Variants in RAE1 observed in about 807,000 individuals in gnomAD.
RAE1 encodes mRNA export factor RAE1.
In RAE1, 13 loss-of-function variants were observed where a neutral mutation model predicts 52.7. The observed-to-expected ratio is 0.25, with a 90% confidence interval of 0.16 to 0.39. RAE1 has a LOEUF of 0.39. RAE1 is among the 10% of genes least tolerant of loss of function. The pLI is 1.00. For synonymous variants in RAE1, 164 were observed against 153.1 expected, an observed-to-expected ratio of 1.07 and a Z score of -0.52; for missense variants, 262 against 459.8, an observed-to-expected ratio of 0.57 and a Z score of 3.93.
At chr20:57,368,560 A>G (rs2066990239) in intron 7 of RAE1, 145 bp from the exon 8 acceptor site, 1 of 553,914 alleles carries the variant, frequency 1.8e-6, no homozygotes. Context: ...TTCAAATACT[A>G]TTTCTCTAGG....
intron 1 of RAE1, among the ~76,000 whole-genome samples, chr20:57,353,731 C>T (rs916935632): frequency 1.3e-5 from 2 of 152,168 alleles, no homozygotes; most frequent in African/African-American, 2.4e-5. Context: ...AAATAATCTG[C>T]AATGTATCCA....
chr20:57,377,953 C>T, intron 11 of RAE1, 60 bp from the exon 12 acceptor site: 4 of 1,318,244 alleles, frequency 3.0e-6, no homozygotes, highest in African/African-American at 2.9e-5. Flanking sequence ...AGAAAAAGCA[C>T]CTACAAATGC....
At chr20:57,373,801 G>A in intron 10 of RAE1, 63 bp downstream of exon 10, 1 of 1,506,656 alleles carries the variant, frequency 6.6e-7, no homozygotes, top group South Asian at 1.1e-5. Context: ...AGGTGGCTGA[G>A]GAATTGTGGG....
intron 4 of RAE1, among the ~76,000 whole-genome samples, chr20:57,364,958 T>C (rs1268856813): frequency 6.6e-6 from 1 of 152,214 alleles, no homozygotes; most frequent in Non-Finnish European, 1.5e-5. Context: ...GATGAATCTA[T>C]GTGAAGTGCT....
chr20:57,366,837 A>G lies in RAE1; in HGVS notation c.406A>G (p.Ile136Val). The G allele has an allele frequency of 1.2e-6, 2 of 1,613,806 alleles. No homozygotes were observed. The highest frequency in any genetic ancestry group is 1.7e-6 in the Non-Finnish European group (2 of 1,179,684). ...HDAPVKTIHW[I>V]KAPNYSCVMT... ...TGCTCCTGTTAAAACCATCCATTGG[A>G]TCAAAGCTCCAAACTACAGCTGTGT... Residue 136 changes from isoleucine (I) to valine (V), a missense_variant, in exon 6 of 12, where the codon ATC becomes GTC. Physicochemically the swap from Ile to Val is conservative, Grantham distance 29. Coordinates refer to ENST00000395841, the MANE Select transcript of RAE1 (RefSeq NM_003610.4).
At chr20:57,371,365 T>C (rs2067033176) in intron 8 of RAE1, 1 of 152,128 alleles carries the variant, frequency 6.6e-6, no homozygotes, top group East Asian at 1.9e-4. Flanking sequence ...TGCAACTCAA[T>C]AGTGAGAAAA....
chr20:57,358,635 G>T, intron 4 of RAE1: 1 of 184,764 alleles, frequency 5.4e-6, no homozygotes, highest in South Asian at 1.9e-4. Flanking sequence ...TTTAATCATT[G>T]AACAAACAAA....
chr20:57,354,961 C>T (rs1295996352), intron 3 of RAE1, 145 bp downstream of exon 3: 3 of 542,588 alleles, frequency 5.5e-6, no homozygotes, highest in African/African-American at 4.0e-5. Flanking sequence ...GGGTGTGAAC[C>T]CTTCTGAATG....
intron 4 of RAE1, chr20:57,357,424 TC>T (rs755432164): frequency 2.6e-5 from 4 of 152,230 alleles, no homozygotes; most frequent in African/African-American, 9.6e-5. Flanking sequence ...CAGATATATT[TC>T]CTATGTTTGG....
At chr20:57,359,208 T>C (rs79726958) in intron 4 of RAE1, 35 of 412,846 alleles carry the variant, frequency 8.5e-5, no homozygotes, top group Non-Finnish European at 1.4e-4. Context: ...GTTCCTTTTA[T>C]TTTTTTGTAA....
At chr20:57,364,794 G>A (rs1239904782) in intron 4 of RAE1, among the ~76,000 whole-genome samples, 1 of 152,196 alleles carries the variant, frequency 6.6e-6, no homozygotes, top group African/African-American at 2.4e-5. Flanking sequence ...TATTTGACAA[G>A]TTAGATAGGA....
intron 4 of RAE1, among the ~76,000 whole-genome samples, chr20:57,364,316 C>T (rs1203032496): frequency 6.6e-6 from 1 of 152,164 alleles, no homozygotes; most frequent in Non-Finnish European, 1.5e-5. Flanking sequence ...ATGCTCTGCT[C>T]CACAATGCTG....
intron 4 of RAE1, chr20:57,358,190 G>C (rs763115530): frequency 6.6e-6 from 1 of 152,162 alleles, no homozygotes. Flanking sequence ...AGGGCCGCGA[G>C]GGTTCTTTGG....
At chr20:57,359,077 T>C in intron 4 of RAE1, 1 of 1,432,510 alleles carries the variant, frequency 7.0e-7, no homozygotes, top group South Asian at 1.4e-5. Context: ...GTGATTATGC[T>C]ACCTTCGCAC....
At chr20:57,375,989 G>A (rs1286975376) in intron 11 of RAE1, among the ~76,000 whole-genome samples, 4 of 152,228 alleles carry the variant, frequency 2.6e-5, no homozygotes, top group Admixed American at 6.5e-5. Context: ...TCTAAACAGC[G>A]CTTTGCATTC....
At position 57,378,121 on chromosome 20, in the gene RAE1, C is replaced by A; in HGVS notation, c.*22C>A. On this transcript the variant is annotated 3_prime_UTR_variant, in exon 12 of 12. Coordinates refer to ENST00000395841, the MANE Select transcript of RAE1 (RefSeq NM_003610.4). ...GTAGTGGCTGGAGACTCTGGCTCAG[C>A]CAGAGTTGTTTCTCTCCACTCTGCC... 2 of 1,573,278 alleles carry A rather than the reference C, an allele frequency of 1.3e-6. No individual in the cohort carries two copies. The highest frequency in any genetic ancestry group is 1.7e-6 in the Non-Finnish European group (2 of 1,149,684).
Position 57,378,048 on chromosome 20 carries a change from C to T in RAE1, c.1056C>T (p.Tyr352=). 4 of 1,612,846 alleles carry T rather than the reference C, an allele frequency of 2.5e-6. No individual in the cohort carries two copies. The highest frequency in any genetic ancestry group is 1.1e-5 in the South Asian group (1 of 91,010). ...TTTATAATCCCCAGAAAAAAAATTACATTTTCCTGCGTAATGCAGCCGAAG... is the reference window on the plus strand; with the variant it reads ...TTTATAATCCCCAGAAAAAAAATTATATTTTCCTGCGTAATGCAGCCGAAG... ...HEFYNPQKKN[Y]IFLRNAAEEL... is the part of the protein sequence containing the mutation. The change falls in exon 12 of 12, where the codon TAC becomes TAT. Residue 352 remains tyrosine, a synonymous_variant. Transcript: ENST00000395841.
At chr20:57,375,014 G>A (rs1366307873) in intron 11 of RAE1, 1 of 715,546 alleles carries the variant, frequency 1.4e-6, no homozygotes, top group South Asian at 1.5e-5. Flanking sequence ...CACACAGGAA[G>A]TGCTCGGCCA....
At chr20:57,374,974 G>A (rs1252116981) in intron 11 of RAE1, 173 bp downstream of exon 11, 3 of 769,308 alleles carry the variant, frequency 3.9e-6, no homozygotes, top group Middle Eastern at 2.2e-4. Flanking sequence ...TGGTTGTGGG[G>A]ATTCAGTACA....
Sources: gnomAD v4.1 joint callset for allele counts (sites outside exome capture counted in the v4.1 genomes callset) on GRCh38, gnomAD v4.1.1 for gene constraint, MANE v1.5 for transcripts, NCBI Gene and HGNC (gene_info 2026-07-23, HGNC 2026-07-21) for gene names.